OR7C1: variants seen among roughly 807,000 people sequenced by gnomAD.
The protein encoded by OR7C1 is olfactory receptor family 7 subfamily C member 1.
For synonymous variants in OR7C1, 152 were observed against 160.7 expected (o/e 0.95, Z 0.41); for missense variants, 324 against 383.3 (o/e 0.85, Z 1.29).
chr19:14,816,847 A>G (rs949014996), intron 1 of OR7C1, among the ~76,000 whole-genome samples: 5 of 152,228 alleles, frequency 3.3e-5, no homozygotes, highest in African/African-American at 1.2e-4. Flanking sequence ...AGGAGTAAAA[A>G]TTAATCAAAT....
chr19:14,810,632 G>A (rs903328518), intron 1 of OR7C1, among the ~76,000 whole-genome samples: 8 of 149,636 alleles, frequency 5.3e-5, no homozygotes, highest in Non-Finnish European at 1.2e-4. Context: ...TGATCCGCCC[G>A]CCTCAGCCTC....
At chr19:14,827,765 T>A in intron 1 of OR7C1, 1 of 1,614,156 alleles carries the variant, frequency 6.2e-7, no homozygotes, top group Non-Finnish European at 8.5e-7. Context: ...CCATTAAGAT[T>A]TGTAGCAAGG....
intron 1 of OR7C1, among the ~76,000 whole-genome samples, chr19:14,831,567 C>T (rs550880855): frequency 9.9e-5 from 15 of 152,184 alleles, no homozygotes; most frequent in African/African-American, 3.6e-4. Context: ...GCCTCAGCCT[C>T]CTGAGTAGCT....
intron 1 of OR7C1, among the ~76,000 whole-genome samples, chr19:14,830,122 C>A (rs1162438813): frequency 6.6e-6 from 1 of 152,186 alleles, no homozygotes; most frequent in East Asian, 1.9e-4. Flanking sequence ...TTTGGCCTCC[C>A]AAAGTGCTGG....
intron 1 of OR7C1, among the ~76,000 whole-genome samples, chr19:14,829,035 T>C (rs998316591): frequency 2.6e-5 from 4 of 152,140 alleles, no homozygotes; most frequent in Admixed American, 6.5e-5. Context: ...TATGAAGTGT[T>C]TCTTTTGTTT....
chr19:14,827,929 T>A, intron 1 of OR7C1: 1 of 1,614,164 alleles, frequency 6.2e-7, no homozygotes, highest in South Asian at 1.1e-5. Context: ...GCAAAGAGTA[T>A]GAAAAAATAC....
intron 2 of OR7C1, among the ~76,000 whole-genome samples, chr19:14,808,577 T>C (rs2044676614): frequency 8.4e-6 from 1 of 118,422 alleles, no homozygotes; most frequent in African/African-American, 3.3e-5. Context: ...ATGTATACCA[T>C]GGGCATAGAT....
At chr19:14,814,041 C>T (rs2044704943) in intron 1 of OR7C1, among the ~76,000 whole-genome samples, 1 of 151,988 alleles carries the variant, frequency 6.6e-6, no homozygotes, top group African/African-American at 2.4e-5. Context: ...GGATTAAAGA[C>T]TTAAACATTA....
At chr19:14,800,139 G>A in exon 5 of OR7C1, 4 of 1,550,660 alleles carry the variant, frequency 2.6e-6, no homozygotes, top group Non-Finnish European at 3.5e-6. Flanking sequence ...GTTTCCATGG[G>A]GATAAAATAA....
chr19:14,805,629 G>A (rs1228386261), intron 2 of OR7C1, among the ~76,000 whole-genome samples: 1 of 151,582 alleles, frequency 6.6e-6, no homozygotes, highest in Non-Finnish European at 1.5e-5. Flanking sequence ...TGCCCAGGCT[G>A]GTCTCGAACT....
chr19:14,800,122 A>G (rs1291361124), exon 5 of OR7C1: 1 of 1,579,072 alleles, frequency 6.3e-7, no homozygotes, highest in African/African-American at 1.3e-5. Flanking sequence ...CATGTGTTTG[A>G]TTTCCTGTTT....
chr19:14,811,184 C>T (rs1462793323), intron 1 of OR7C1, among the ~76,000 whole-genome samples: 1 of 151,822 alleles, frequency 6.6e-6, no homozygotes, highest in Non-Finnish European at 1.5e-5. Context: ...CACATGTAAC[C>T]ACAAACTGGG....
At chr19:14,798,980 G>T (rs751727442) in exon 5 of OR7C1, 18 of 553,830 alleles carry the variant, frequency 3.3e-5, no homozygotes, top group Non-Finnish European at 5.1e-5. Context: ...GATTTTGAGG[G>T]CTGCTTTTTG....
chr19:14,799,525 G>T (rs760510816), exon 5 of OR7C1: 1 of 1,614,146 alleles, frequency 6.2e-7, no homozygotes, highest in Non-Finnish European at 8.5e-7. Flanking sequence ...CACCCAGGAC[G>T]CCAGTTGCAA....
chr19:14,803,367 G>A (rs1280520788), intron 2 of OR7C1, among the ~76,000 whole-genome samples: 2 of 150,720 alleles, frequency 1.3e-5, no homozygotes, highest in African/African-American at 4.9e-5. Context: ...TACATAGTCC[G>A]GAGGAAGCTG....
At chr19:14,826,447 G>A (rs368136655) in intron 1 of OR7C1, 12 of 152,258 alleles carry the variant, frequency 7.9e-5, no homozygotes, top group African/African-American at 2.9e-4. Flanking sequence ...AGCAAAAACA[G>A]AAGTATGGAT....
At chr19:14,834,859 T>A (rs1182263498) in intron 1 of OR7C1, among the ~76,000 whole-genome samples, 1 of 152,222 alleles carries the variant, frequency 6.6e-6, no homozygotes, top group East Asian at 1.9e-4. Context: ...TCAATAGTCG[T>A]CACCCTTGCA....
At chr19:14,825,901 T>C (rs1338428619) in intron 1 of OR7C1, 4 of 152,276 alleles carry the variant, frequency 2.6e-5, no homozygotes, top group African/African-American at 7.2e-5. Context: ...ACTGATACAA[T>C]AAGCATTGCA....
At chr19:14,809,132 A>G (rs910891530) in intron 2 of OR7C1, among the ~76,000 whole-genome samples, 5 of 151,970 alleles carry the variant, frequency 3.3e-5, no homozygotes, top group African/African-American at 4.8e-5. Flanking sequence ...TTTCAAAAGC[A>G]TTCTCTGAGA....
Sources: allele counts gnomAD v4.1 joint callset (sites outside exome capture counted in the v4.1 genomes callset), GRCh38; gene constraint gnomAD v4.1.1; transcripts MANE v1.5; gene names NCBI Gene and HGNC (gene_info 2026-07-23, HGNC 2026-07-21).